Variants in SORL1 observed in about 807,000 individuals in gnomAD.
SORL1 encodes the protein sortilin-related receptor.
A neutral mutation model predicts 273.7 loss-of-function variants in SORL1; 127 were observed. That is an observed-to-expected ratio of 0.46 (90% CI 0.40 to 0.54). The LOEUF is 0.54. Among genes scored for constraint, SORL1 ranks in the 20% least tolerant of loss-of-function variants. The pLI, the probability that SORL1 is intolerant of heterozygous loss-of-function variation, is 0.00. For synonymous variants in SORL1, 1,031 were observed against 1,067.4 expected, an observed-to-expected ratio of 0.97 and a Z score of 0.66; for missense variants, 2,494 against 2,846.1, an observed-to-expected ratio of 0.88 and a Z score of 2.81.
chr11:121,454,015 T>G (rs570427688), intron 1 of SORL1, among the ~76,000 whole-genome samples: 10 of 152,248 alleles, frequency 6.6e-5, no homozygotes, highest in Admixed American at 1.3e-4. Flanking sequence ...CCCCAGGGCA[T>G]GTAACTAATG....
At chr11:121,524,414 C>T (rs1167735670) in intron 11 of SORL1, among the ~76,000 whole-genome samples, 1 of 152,242 alleles carries the variant, frequency 6.6e-6, no homozygotes, top group African/African-American at 2.4e-5. Flanking sequence ...CCACACGTGC[C>T]TTGTCCCTGC....
intron 39 of SORL1, 55 bp from the exon 40 acceptor site, chr11:121,612,681 T>G: frequency 7.9e-7 from 1 of 1,271,180 alleles, no homozygotes; most frequent in South Asian, 1.2e-5. Flanking sequence ...GCCTTTTGTA[T>G]TTAGTGTGCC....
intron 45 of SORL1, 38 bp downstream of exon 45, chr11:121,622,306 T>A: frequency 1.7e-6 from 2 of 1,150,004 alleles, no homozygotes; most frequent in Non-Finnish European, 2.6e-6. Context: ...TTTGGAAATT[T>A]AATTGAAATG....
Position 121,514,445 on chromosome 11 carries a change from C to T in SORL1, c.1211+124C>T, listed in dbSNP as rs187628157. On this transcript the variant is annotated intron_variant, in intron 8 of 47. Coordinates refer to ENST00000260197, the MANE Select transcript of SORL1 (RefSeq NM_003105.6). ...TACACCCGGGGAGCTTTCGGAAACC[C>T]GATGCCTGGCTCACGTGCGCAGAGA... 2.7e-5 allele frequency: 24 copies of T among 905,506 alleles called. No individual in the cohort carries two copies. The Admixed American group carries it at 4.9e-4, about 19-fold the overall frequency. 56.1% of individuals were successfully genotyped at this position (905,506 alleles called of 1,614,324 possible).
Position 121,514,266 on chromosome 11 carries a change from T to C in SORL1, c.1156T>C (p.Leu386=). ...AGAGGGGCTGAAGTTCTCCCTGTCC[T>C]TGGAGAACGTGCTCTATTACAGCCC... ...EAEGLKFSLS[L]ENVLYYSPGG... The change falls in exon 8 of 48, where the codon TTG becomes CTG. Residue 386 remains leucine (L), a synonymous_variant. Transcript: ENST00000260197. 1.2e-6 allele frequency: 2 copies of C among 1,614,224 alleles called. No homozygotes were observed. The highest frequency in any genetic ancestry group is 1.7e-6 in the Non-Finnish European group (2 of 1,180,014).
intron 38 of SORL1, chr11:121,609,627 A>G (rs929286224): frequency 2.6e-5 from 4 of 152,256 alleles, no homozygotes; most frequent in Admixed American, 2.0e-4. Context: ...GCTGTGTGCC[A>G]CATCCAAAAA....
At position 121,545,502 on chromosome 11, in the gene SORL1, G is replaced by A. The variant is rs1433536661; in HGVS notation, c.2051+73G>A. The A allele has an allele frequency of 4.3e-6, 6 of 1,405,442 alleles. No individual in the cohort carries two copies. In the African/African-American group the frequency reaches 8.5e-5, roughly 20 times the overall value. 87.1% of individuals were successfully genotyped at this position (1,405,442 alleles called of 1,614,324 possible). On this transcript the variant is annotated intron_variant, in intron 14 of 47. Coordinates refer to ENST00000260197, the MANE Select transcript of SORL1 (RefSeq NM_003105.6). ...CAGCAGTGTTGGGGGAAGAGATTAG[G>A]CATGGTCCCTTTCCCTGAGCAAAGG...
At chr11:121,589,173 T>C in intron 28 of SORL1, 86 bp from the exon 29 acceptor site, 2 of 1,486,108 alleles carry the variant, frequency 1.3e-6, no homozygotes, top group Non-Finnish European at 1.9e-6. Flanking sequence ...CTCACTGCTG[T>C]TCCCCCTTGC....
At chr11:121,569,657 T>G (rs1004568352) in intron 22 of SORL1, among the ~76,000 whole-genome samples, 3 of 152,238 alleles carry the variant, frequency 2.0e-5, no homozygotes, top group Admixed American at 2.0e-4. Context: ...AAACTCTGTC[T>G]CCTGATAAGA....
intron 40 of SORL1, 90 bp from the exon 41 acceptor site, chr11:121,614,781 A>T: frequency 1.0e-6 from 1 of 995,400 alleles, no homozygotes; most frequent in Admixed American, 2.1e-5. Context: ...AGAGATTACT[A>T]TTTTTTTTTA....
At chr11:121,524,386 A>T (rs900820976) in intron 11 of SORL1, among the ~76,000 whole-genome samples, 5 of 152,252 alleles carry the variant, frequency 3.3e-5, no homozygotes, top group Non-Finnish European at 4.4e-5. Context: ...TTACCGGGGC[A>T]GCTGTCAGTG....
chr11:121,606,859 C>G lies in SORL1; in HGVS notation c.4963C>G (p.Arg1655Gly), dbSNP rs1482991048. ...TCTTTTTCTAGTGCCAGATGCCCCT[C>G]GAAATCTCCAGCTGTCACTCCCCAG... ...RTPEGLPDAP[R>G]NLQLSLPREA... The change falls in exon 36 of 48, where the codon CGA becomes GGA. Residue 1655 changes from arginine to glycine, a missense_variant. This residue lies in a region of SORL1 where 1,609 missense variants were observed against 1,816.4 expected (regional missense o/e 0.89). Transcript: ENST00000260197. The G allele has an allele frequency of 4.3e-6, 7 of 1,613,536 alleles. No homozygotes were observed. The highest frequency in any genetic ancestry group is 3.3e-4 in the Middle Eastern group (2 of 6,084).
intron 25 of SORL1, among the ~76,000 whole-genome samples, chr11:121,581,084 G>A (rs1203700429): frequency 6.6e-6 from 1 of 151,756 alleles, no homozygotes; most frequent in Non-Finnish European, 1.5e-5. Flanking sequence ...GGCTAGTTTT[G>A]TGTTTTTAGT....
chr11:121,496,123 A>C (rs1477146824), intron 5 of SORL1, among the ~76,000 whole-genome samples: 2 of 152,240 alleles, frequency 1.3e-5, no homozygotes, highest in African/African-American at 2.4e-5. Flanking sequence ...AGAGGACAGC[A>C]CTGAGGAAGG....
At chr11:121,610,888 A>G in intron 38 of SORL1, 188 bp from the exon 39 acceptor site, 1 of 522,844 alleles carries the variant, frequency 1.9e-6, no homozygotes, top group South Asian at 2.5e-5. Flanking sequence ...TTCACCAAGC[A>G]ACTGTGGACC....
intron 12 of SORL1, among the ~76,000 whole-genome samples, chr11:121,534,929 C>G (rs1251527559): frequency 6.6e-6 from 1 of 152,184 alleles, no homozygotes. Flanking sequence ...CATATTCTGA[C>G]TCCTTATGTT....
chr11:121,456,226 T>C (rs1272383932), intron 1 of SORL1, among the ~76,000 whole-genome samples: 2 of 152,196 alleles, frequency 1.3e-5, no homozygotes, highest in Non-Finnish European at 2.9e-5. Context: ...GAATACCTCT[T>C]GGTATTCTCA....
intron 6 of SORL1, among the ~76,000 whole-genome samples, chr11:121,504,687 T>C (rs1011337762): frequency 2.0e-5 from 3 of 152,170 alleles, no homozygotes; most frequent in Admixed American, 1.3e-4. Context: ...TTTATTTATT[T>C]ATTTTTTTGC....
intron 24 of SORL1, chr11:121,576,816 C>T (rs954248413): frequency 3.3e-6 from 5 of 1,529,760 alleles, no homozygotes; most frequent in Admixed American, 2.0e-5. Context: ...TGATTTTACT[C>T]TCTCTGACTG....
Sources: gnomAD v4.1 joint callset for allele counts (sites outside exome capture counted in the v4.1 genomes callset) on GRCh38, gnomAD v4.1.1 for gene constraint, gnomAD v4.1.1 regional missense constraint, MANE v1.5 for transcripts, NCBI Gene and HGNC (gene_info 2026-07-23, HGNC 2026-07-21) for gene names.